PCDH9: variants seen among roughly 807,000 people sequenced by gnomAD.
PCDH9 encodes the protein protocadherin 9, also known as protocadherin-9.
A neutral mutation model predicts 70.6 loss-of-function variants in PCDH9; 24 were observed. The ratio of observed to expected loss-of-function variants is 0.34; its 90% CI spans 0.25 to 0.48. PCDH9 has a LOEUF of 0.48. Among genes scored for constraint, PCDH9 ranks in the 20% least tolerant of loss-of-function variants. The pLI, the probability that PCDH9 is intolerant of heterozygous loss-of-function variation, is 0.99. For missense variants in PCDH9, 1,281 were observed against 1,503.6 expected (o/e 0.85, Z 2.45); for synonymous variants, 562 against 558.5 (o/e 1.01, Z -0.09).
In PCDH9 at chr13:66,601,565, G is replaced by A. The variant is rs923357332; in HGVS notation, c.3340+29645C>T. On this transcript the variant is annotated intron_variant, in intron 4 of 4. Transcript: ENST00000377865. ...AAATGTAAGTAATTTCATTGTACTAGTAAATTTTTCTTTTGACTGTCATCA... is the reference window on the plus strand; with the variant it reads ...AAATGTAAGTAATTTCATTGTACTAATAAATTTTTCTTTTGACTGTCATCA... 5.5e-5 allele frequency among the ~76,000 whole-genome samples: 8 copies of A among 146,346 alleles called. 1 individual carries two copies. Among genetic ancestry groups the A allele is most frequent in the Non-Finnish European group, 1.5e-5 (1 of 65,050 alleles).
At chr13:67,058,946 G>A (rs1385654490) in intron 2 of PCDH9, among the ~76,000 whole-genome samples, 1 of 151,970 alleles carries the variant, frequency 6.6e-6, no homozygotes, top group East Asian at 1.9e-4. Flanking sequence ...TGCTTAAGGG[G>A]CATTTTAGTA....
intron 2 of PCDH9, among the ~76,000 whole-genome samples, chr13:67,148,770 T>C (rs193121790): frequency 1.3e-5 from 2 of 152,326 alleles, no homozygotes; most frequent in East Asian, 3.9e-4. Flanking sequence ...ATGTTTCATA[T>C]TCTTAAAGGT....
intron 4 of PCDH9, among the ~76,000 whole-genome samples, chr13:66,448,742 G>T (rs1414053950): frequency 2.0e-5 from 3 of 152,148 alleles, no homozygotes; most frequent in African/African-American, 7.2e-5. Context: ...AAAATTATTT[G>T]CTTGTAAAAG....
At chr13:66,375,917 C>T (rs529126076) in intron 4 of PCDH9, among the ~76,000 whole-genome samples, 10 of 152,110 alleles carry the variant, frequency 6.6e-5, no homozygotes, top group African/African-American at 2.4e-4. Context: ...AAAAAATAGG[C>T]TTCAGTTCTC....
intron 2 of PCDH9, among the ~76,000 whole-genome samples, chr13:67,025,631 C>A (rs988953916): frequency 2.0e-5 from 3 of 151,872 alleles, no homozygotes; most frequent in African/African-American, 7.3e-5. Context: ...CATTCCATTT[C>A]AAAAATAGTA....
intron 4 of PCDH9, among the ~76,000 whole-genome samples, chr13:66,486,173 G>A (rs1171083861): frequency 6.6e-6 from 1 of 152,170 alleles, no homozygotes; most frequent in African/African-American, 2.4e-5. Flanking sequence ...CAGATGCGAT[G>A]GCTCATGCCT....
intron 3 of PCDH9, among the ~76,000 whole-genome samples, chr13:66,667,150 A>G (rs1400853880): frequency 1.3e-5 from 2 of 152,190 alleles, no homozygotes; most frequent in African/African-American, 2.4e-5. Context: ...AAATGGATCT[A>G]ACAGTGGATA....
chr13:66,927,612 T>C (rs1003629841), intron 2 of PCDH9, among the ~76,000 whole-genome samples: 1 of 152,078 alleles, frequency 6.6e-6, no homozygotes, highest in African/African-American at 2.4e-5. Flanking sequence ...AATCTGAGAA[T>C]GAGGTATAGA....
intron 2 of PCDH9, among the ~76,000 whole-genome samples, chr13:66,938,215 T>A (rs915425272): frequency 9.2e-5 from 14 of 152,112 alleles, no homozygotes; most frequent in African/African-American, 3.4e-4. Context: ...TTGGTTATCA[T>A]TAGGAAAAAG....
At chr13:66,946,535 C>A (rs1261433368) in intron 2 of PCDH9, among the ~76,000 whole-genome samples, 1 of 151,758 alleles carries the variant, frequency 6.6e-6, no homozygotes, top group Admixed American at 6.6e-5. Flanking sequence ...ATAGTATATA[C>A]AAAAATGGTA....
At chr13:67,047,575 G>C (rs988731723) in intron 2 of PCDH9, among the ~76,000 whole-genome samples, 5 of 152,098 alleles carry the variant, frequency 3.3e-5, no homozygotes, top group Non-Finnish European at 7.4e-5. Context: ...CTATGAATTT[G>C]GGTTTGCGGT....
intron 3 of PCDH9, among the ~76,000 whole-genome samples, chr13:66,899,489 C>T (rs1477742983): frequency 6.6e-6 from 1 of 152,002 alleles, no homozygotes; most frequent in Non-Finnish European, 1.5e-5. Context: ...GAACACTAAA[C>T]CATTTTGTAA....
At chr13:66,504,213 G>A (rs562435794) in intron 4 of PCDH9, among the ~76,000 whole-genome samples, 1 of 152,120 alleles carries the variant, frequency 6.6e-6, no homozygotes, top group Non-Finnish European at 1.5e-5. Context: ...CTGAACCCAC[G>A]TGTACCTTAG....
intron 2 of PCDH9, among the ~76,000 whole-genome samples, chr13:67,019,180 C>G (rs2084623609): frequency 7.1e-6 from 1 of 141,726 alleles, no homozygotes; most frequent in Non-Finnish European, 1.5e-5. Context: ...CACCTTCAGG[C>G]AGTTGCTCTT....
intron 3 of PCDH9, among the ~76,000 whole-genome samples, chr13:66,891,778 ATTATT>A (rs2082099774): frequency 6.6e-6 from 1 of 152,002 alleles, no homozygotes; most frequent in South Asian, 2.1e-4. Flanking sequence ...AGTGAACTTC[ATTATT>A]TTATAATTCA....
intron 3 of PCDH9, among the ~76,000 whole-genome samples, chr13:66,675,258 G>A (rs530317071): frequency 1.3e-5 from 2 of 152,188 alleles, no homozygotes; most frequent in Non-Finnish European, 2.9e-5. Flanking sequence ...CCTTTCAGAA[G>A]ACAGTTTCTT....
chr13:67,091,286 A>C (rs971095800), intron 2 of PCDH9, among the ~76,000 whole-genome samples: 3 of 152,196 alleles, frequency 2.0e-5, no homozygotes, highest in African/African-American at 7.2e-5. Flanking sequence ...GAAATTCAAA[A>C]TAAAATCTAT....
chr13:66,979,612 A>AT (rs2083696106), intron 2 of PCDH9, among the ~76,000 whole-genome samples: 1 of 152,134 alleles, frequency 6.6e-6, no homozygotes, highest in African/African-American at 2.4e-5. Flanking sequence ...TTAAGATAAA[A>AT]CAGCCAAATC....
At chr13:66,879,426 G>C (rs1319574033) in intron 3 of PCDH9, among the ~76,000 whole-genome samples, 1 of 152,014 alleles carries the variant, frequency 6.6e-6, no homozygotes, top group Admixed American at 6.6e-5. Flanking sequence ...AATATGCCTA[G>C]AATGAGGGAG....
Sources: allele counts gnomAD v4.1 joint callset (sites outside exome capture counted in the v4.1 genomes callset), GRCh38; gene constraint gnomAD v4.1.1; transcripts MANE v1.5; gene names NCBI Gene and HGNC (gene_info 2026-07-23, HGNC 2026-07-21).